ZFPL1: variants seen among roughly 807,000 people sequenced by gnomAD.
ZFPL1 encodes the protein zinc finger protein like 1.
ZFPL1 carries 28 observed loss-of-function variants against 32.0 expected under a neutral mutation model. The observed-to-expected ratio is 0.87, with a 90% CI of 0.65 to 1.20. ZFPL1 has a LOEUF of 1.20. ZFPL1 is among the 50% of genes most tolerant of loss of function. The probability of loss-of-function intolerance (pLI) is 0.00; values close to 1 mark genes in which losing one functional copy is unlikely to be tolerated. For synonymous variants in ZFPL1, 165 were observed against 177.0 expected (o/e 0.93, Z 0.54); for missense variants, 386 against 424.8 (o/e 0.91, Z 0.80).
rs953396873 is a variant in ZFPL1 at position 65,088,281 on chromosome 11, T to G, written c.*167T>G. On this transcript the variant is annotated 3_prime_UTR_variant, in exon 8 of 8. Coordinates refer to ENST00000294258, the MANE Select transcript of ZFPL1 (RefSeq NM_006782.4). ...CACCAGAGTGGCTGCAGGCCAGGCC[T>G]GGAGTCCCCGTGGGTCAAGCATTTG... The G allele has an allele frequency of 9.0e-7, 1 of 1,107,730 alleles. No individual in the cohort carries two copies. The highest frequency in any genetic ancestry group is 1.6e-5 in the African/African-American group (1 of 64,048). 68.6% of individuals were successfully genotyped at this position (1,107,730 alleles called of 1,614,324 possible). A position where few individuals can be genotyped will look rare whatever the true frequency, so the allele number is the denominator to read the frequency against.
At chr11:65,087,525 G>A in intron 7 of ZFPL1, 92 bp downstream of exon 7, 1 of 1,263,190 alleles carries the variant, frequency 7.9e-7, no homozygotes. Context: ...ATGACAAAAG[G>A]GGCTTGTTCT....
chr11:65,084,784 T>TA lies in ZFPL1; in HGVS notation c.87dup (p.Ala30SerfsTer18), dbSNP rs1947655561. 3 of 1,614,080 alleles carry TA rather than the reference T, an allele frequency of 1.9e-6. No individual in the cohort carries two copies. Among genetic ancestry groups the TA allele is most frequent in the African/African-American group, 1.3e-5 (1 of 75,022 alleles). On this transcript the variant is annotated frameshift_variant, in exon 2 of 8. Coordinates refer to ENST00000294258, the MANE Select transcript of ZFPL1 (RefSeq NM_006782.4). LOFTEE classifies it high-confidence loss of function. ...GTCAACGTCTGCGAGCACTGCCTGG[T>TA]AGCCAATCACGCCAAGGTGGGGCCT...
At chr11:65,085,465 C>A in intron 3 of ZFPL1, 1 of 550,382 alleles carries the variant, frequency 1.8e-6, no homozygotes, top group Non-Finnish European at 3.3e-6. Context: ...AAAATTAAGC[C>A]CTGCCAATCT....
chr11:65,084,544 C>T, intron 1 of ZFPL1, 147 bp from the exon 2 acceptor site: 1 of 673,950 alleles, frequency 1.5e-6, no homozygotes, highest in Non-Finnish European at 2.5e-6. Context: ...GGTGTTTCTC[C>T]GCATAAGGAG....
Position 65,084,382 on chromosome 11 carries a change from T to A in ZFPL1, c.-9+4T>A. ...ATCAGTAAACACAGAGACTGGGGTC[T>A]GTAGAGAAGGGGCGGGACTTGGAGG... On this transcript the variant is annotated splice_donor_region_variant and intron_variant, in intron 1 of 7. Transcript: ENST00000294258. 2.1e-6 allele frequency: 1 copy of A among 472,668 alleles called. No individual in the cohort carries two copies. The highest frequency in any genetic ancestry group is 3.7e-6 in the Non-Finnish European group (1 of 273,692). The allele number at this position is 472,668 out of a possible 1,614,324, so 29.3% of individuals were successfully genotyped here. A position where few individuals can be genotyped will look rare whatever the true frequency, so the allele number is the denominator to read the frequency against.
intron 3 of ZFPL1, 68 bp from the exon 4 acceptor site, chr11:65,086,347 T>C: frequency 6.3e-7 from 1 of 1,594,846 alleles, no homozygotes; most frequent in Non-Finnish European, 8.6e-7. Flanking sequence ...CTGGGGACTA[T>C]TGCTAGGCTA....
chr11:65,086,509 C>T lies in ZFPL1; in HGVS notation c.309C>T (p.Pro103=), dbSNP rs1947680905. Residue 103 remains proline (P), a synonymous_variant, in exon 4 of 8, where the codon CCC becomes CCT. Transcript: ENST00000294258. ...AGYQCPSCNG[P]IFPPTNLAGP... Reference sequence around the variant, plus strand: ...ATCAGTGCCCCAGCTGCAATGGCCCCATCTTCCCCCCAACCAACCTGGCTG... The same window carrying T: ...ATCAGTGCCCCAGCTGCAATGGCCCTATCTTCCCCCCAACCAACCTGGCTG... The T allele has an allele frequency of 5.6e-6, 9 of 1,614,002 alleles. No homozygotes were observed. The East Asian group carries it at 1.8e-4, about 32-fold the overall frequency.
chr11:65,084,859 T>C lies in ZFPL1; in HGVS notation c.102+59T>C, dbSNP rs1379963569. 1.9e-6 allele frequency: 3 copies of C among 1,592,524 alleles called. No homozygotes were observed. The Admixed American group carries it at 5.0e-5, about 27-fold the overall frequency. ...CTGGGTGGGCAAGGCGGTATTGGCT[T>C]CCTCCAAATCCATGAGGGGCCCCGC... On this transcript the variant is annotated intron_variant, in intron 2 of 7. Coordinates refer to ENST00000294258, the MANE Select transcript of ZFPL1 (RefSeq NM_006782.4).
At chr11:65,084,909 C>T in intron 2 of ZFPL1, 109 bp downstream of exon 2, 2 of 1,328,926 alleles carry the variant, frequency 1.5e-6, no homozygotes, top group Non-Finnish European at 1.1e-6. Flanking sequence ...CCCACAAGGG[C>T]AAGGACTTGA....
Position 65,086,470 on chromosome 11 carries a change from G to A in ZFPL1, c.270G>A (p.Thr90=), listed in dbSNP as rs756656080. ...GTGCTGCCCAGCTACCCCGAAACAC[G>A]GCACCTGCCGGCTATCAGTGCCCCA... ...NERAAQLPRN[T]APAGYQCPSC... The change falls in exon 4 of 8, where the codon ACG becomes ACA. Residue 90 remains threonine (T), a synonymous_variant. Coordinates refer to ENST00000294258, the MANE Select transcript of ZFPL1 (RefSeq NM_006782.4). 1.9e-6 allele frequency: 3 copies of A among 1,614,000 alleles called. No individual in the cohort carries two copies. The highest frequency in any genetic ancestry group is 3.3e-5 in the Admixed American group (2 of 60,014).
chr11:65,085,087 C>A, intron 2 of ZFPL1, 28 bp from the exon 3 acceptor site: 1 of 1,604,476 alleles, frequency 6.2e-7, no homozygotes, highest in Non-Finnish European at 8.5e-7. Flanking sequence ...GCCCCAGCAC[C>A]AGTTGTGACA....
Position 65,084,318 on chromosome 11 carries a change from A to C in ZFPL1, c.-69A>C. On this transcript the variant is annotated 5_prime_UTR_variant, in exon 1 of 8. Transcript: ENST00000294258. ...GTGGTCCCTGCCCTTCCGCGCCTCG[A>C]GCCATCGCTACCGCCCTTCGGAACC... 2.0e-6 allele frequency: 1 copy of C among 501,824 alleles called. No homozygotes were observed. The highest frequency in any genetic ancestry group is 3.5e-6 in the Non-Finnish European group (1 of 282,366). 31.1% of individuals were successfully genotyped at this position (501,824 alleles called of 1,614,324 possible).
intron 3 of ZFPL1, chr11:65,085,895 T>G (rs1307439640): frequency 2.0e-5 from 4 of 198,570 alleles, no homozygotes; most frequent in African/African-American, 7.1e-5. Context: ...TGCAAGAGAA[T>G]GCATGGTTGA....
In ZFPL1 at chr11:65,087,422, C is replaced by T. The variant is rs777553922; in HGVS notation, c.735C>T (p.Ala245=). 3.1e-6 allele frequency: 5 copies of T among 1,614,028 alleles called. No homozygotes were observed. In the South Asian group the frequency reaches 4.4e-5, roughly 14 times the overall value. ...GTCGGCCGGCCTTGGGTTGGCTGGC[C>T]CGGCTGCTAAGGTACACAGGGTCAG... The part of the protein sequence containing the change: ...YRRRPALGWL[A]RLLRSRAGSR... Residue 245 remains alanine (A), a synonymous_variant, in exon 7 of 8, where the codon GCC becomes GCT. Coordinates refer to ENST00000294258, the MANE Select transcript of ZFPL1 (RefSeq NM_006782.4).
chr11:65,087,944 C>T lies in ZFPL1; in HGVS notation c.763C>T (p.Arg255Trp), dbSNP rs772382727. ...TCCCCCCAGGAGCCGGGCTGGGTCT[C>T]GGAAGCGGCCGCTGACCCTGCTCCA... ...ARLLRSRAGS[R>W]KRPLTLLQRA... The change falls in exon 8 of 8, where the codon CGG becomes TGG. Residue 255 changes from arginine to tryptophan, a missense_variant. Physicochemically the swap from Arg to Trp is moderately radical, Grantham distance 101. Transcript: ENST00000294258. 16 of 1,567,228 alleles carry T rather than the reference C, an allele frequency of 1.0e-5. No individual in the cohort carries two copies. Among genetic ancestry groups the T allele is most frequent in the African/African-American group, 1.4e-5 (1 of 72,584 alleles).
chr11:65,087,516 T>C (rs946243297), intron 7 of ZFPL1, 83 bp downstream of exon 7: 2 of 1,344,212 alleles, frequency 1.5e-6, no homozygotes, highest in African/African-American at 2.9e-5. Context: ...GATGGTTTCA[T>C]GACAAAAGGG....
chr11:65,086,048 T>C (rs776055691), intron 3 of ZFPL1: 94 of 326,566 alleles, frequency 2.9e-4, no homozygotes, highest in Non-Finnish European at 5.3e-4. Context: ...GATGTGTACA[T>C]GTATATGTGT....
chr11:65,087,541 G>A, intron 7 of ZFPL1, 108 bp downstream of exon 7: 1 of 1,054,336 alleles, frequency 9.5e-7, no homozygotes, highest in Non-Finnish European at 1.4e-6. Context: ...GTTCTGGGGA[G>A]TAACAGTACC....
Position 65,088,160 on chromosome 11 carries a change from GA to G in ZFPL1, c.*47del. 6.3e-7 allele frequency: 1 copy of G among 1,577,074 alleles called. No individual in the cohort carries two copies. On this transcript the variant is annotated 3_prime_UTR_variant, in exon 8 of 8. Transcript: ENST00000294258. ...GCCAGCCTAGGATGTGGGTTCTGTG[GA>G]GGAGAGGCGGGGTAATGGGGAGGCT...
Sources: gnomAD v4.1 joint callset for allele counts on GRCh38, gnomAD v4.1.1 for gene constraint, MANE v1.5 for transcripts, NCBI Gene and HGNC (gene_info 2026-07-23, HGNC 2026-07-21) for gene names.